SLCO6A1: variants seen among roughly 807,000 people sequenced by gnomAD.
The protein encoded by SLCO6A1 is solute carrier organic anion transporter family member 6A1.
SLCO6A1 carries 65 observed loss-of-function variants against 72.7 expected under a neutral mutation model. The ratio of observed to expected loss-of-function variants is 0.89; its 90% CI spans 0.73 to 1.10. The LOEUF (loss-of-function observed/expected upper bound fraction) is 1.10. Among genes scored for constraint, SLCO6A1 ranks in the 50% least tolerant of loss-of-function variants. The pLI is 0.00. For missense variants in SLCO6A1, 874 were observed against 872.6 expected (o/e 1.00, Z -0.02); for synonymous variants, 314 against 298.2 (o/e 1.05, Z -0.55).
intron 12 of SLCO6A1, among the ~76,000 whole-genome samples, chr5:102,387,080 T>C (rs1389672020): frequency 6.6e-6 from 1 of 152,172 alleles, no homozygotes; most frequent in Non-Finnish European, 1.5e-5. Context: ...GATGGTCAAA[T>C]AAATGTTTCT....
At position 102,461,170 on chromosome 5, in the gene SLCO6A1, A is replaced by G. The variant is rs868637170; in HGVS notation, c.900-1393T>C. The stretch of plus-strand genomic sequence containing the variant: ...TCAACTAAAAAAACTATCAATTGGG[A>G]AAAACAATATAATGGTTATATATAA... On this transcript the variant is annotated intron_variant, in intron 4 of 13. Transcript: ENST00000506729. 7.9e-5 allele frequency among the ~76,000 whole-genome samples: 12 copies of G among 151,996 alleles called. 2 individuals are homozygous for G. The highest frequency in any genetic ancestry group is 2.9e-4 in the African/African-American group (12 of 41,530).
At chr5:102,494,659 C>T (rs1192670329) in intron 1 of SLCO6A1, among the ~76,000 whole-genome samples, 1 of 152,132 alleles carries the variant, frequency 6.6e-6, no homozygotes, top group Non-Finnish European at 1.5e-5. Flanking sequence ...ATGTTTGAGA[C>T]AATTGGTCAT....
chr5:102,395,660 G>C (rs1223405311), intron 10 of SLCO6A1, among the ~76,000 whole-genome samples: 2 of 152,194 alleles, frequency 1.3e-5, no homozygotes, highest in South Asian at 2.1e-4. Context: ...CCCACCAACA[G>C]TGTAAAAGTG....
intron 12 of SLCO6A1, among the ~76,000 whole-genome samples, chr5:102,383,433 T>C (rs936026720): frequency 1.3e-5 from 2 of 151,782 alleles, no homozygotes; most frequent in African/African-American, 2.4e-5. Context: ...GTAAATACTT[T>C]TCCTTCACCT....
intron 6 of SLCO6A1, among the ~76,000 whole-genome samples, chr5:102,448,845 AG>A (rs908372049): frequency 2.6e-5 from 4 of 152,058 alleles, no homozygotes; most frequent in African/African-American, 9.7e-5. Context: ...GTGCCTTTTA[AG>A]TGGGAGCTAT....
At chr5:102,432,084 T>C (rs1394440786) in intron 7 of SLCO6A1, among the ~76,000 whole-genome samples, 1 of 152,164 alleles carries the variant, frequency 6.6e-6, no homozygotes, top group Non-Finnish European at 1.5e-5. Context: ...TCAGTTTCCA[T>C]TCGCTTGGTA....
intron 1 of SLCO6A1, among the ~76,000 whole-genome samples, chr5:102,498,273 ATCT>A (rs1222729531): frequency 6.6e-6 from 1 of 152,156 alleles, no homozygotes; most frequent in Non-Finnish European, 1.5e-5. Flanking sequence ...TCCTTGATAA[ATCT>A]TCTCTGTCTA....
chr5:102,421,837 C>A (rs1483903267), intron 7 of SLCO6A1, among the ~76,000 whole-genome samples: 1 of 152,314 alleles, frequency 6.6e-6, no homozygotes, highest in East Asian at 1.9e-4. Context: ...AAGACACCTC[C>A]CAGCAGGGGT....
intron 1 of SLCO6A1, among the ~76,000 whole-genome samples, chr5:102,484,381 G>T (rs1253017604): frequency 1.3e-5 from 2 of 152,152 alleles, no homozygotes; most frequent in Non-Finnish European, 2.9e-5. Context: ...TGGGTGCAGT[G>T]GCTCACACCT....
intron 9 of SLCO6A1, among the ~76,000 whole-genome samples, chr5:102,407,993 G>A (rs561788895): frequency 6.6e-6 from 1 of 151,926 alleles, no homozygotes. Context: ...TAATAAATGA[G>A]TGTTATTCAA....
At chr5:102,444,485 C>A (rs1362462084) in intron 6 of SLCO6A1, among the ~76,000 whole-genome samples, 1 of 152,136 alleles carries the variant, frequency 6.6e-6, no homozygotes, top group East Asian at 1.9e-4. Flanking sequence ...CTTATTTGAT[C>A]TGTTCTTGAT....
In SLCO6A1 at chr5:102,459,915, A is replaced by G. The variant is rs536313988; in HGVS notation, c.900-138T>C. On this transcript the variant is annotated intron_variant, in intron 4 of 13. Transcript: ENST00000506729. ...AGACAGAAATGGAACTTTTTTTGTT[A>G]ATTTGTTACTATTGTTTGTTTTGTT... The G allele has an allele frequency of 1.9e-5, 12 of 635,148 alleles. No homozygotes were observed. In the Middle Eastern group the frequency reaches 1.1e-3, roughly 60 times the overall value. The allele number at this position is 635,148 out of a possible 1,614,324, so 39.3% of individuals were successfully genotyped here.
chr5:102,419,698 T>C (rs1748480579), intron 8 of SLCO6A1, 128 bp downstream of exon 8: 1 of 743,240 alleles, frequency 1.3e-6, no homozygotes, highest in African/African-American at 1.9e-5. Context: ...TTATATTTCT[T>C]TTATGTGTTT....
chr5:102,385,581 A>G (rs1463189816), intron 12 of SLCO6A1, among the ~76,000 whole-genome samples: 1 of 151,348 alleles, frequency 6.6e-6, no homozygotes, highest in African/African-American at 2.4e-5. Flanking sequence ...TGTTTGATCT[A>G]CTCTGCAGTT....
chr5:102,374,038 C>CTTTTTT (rs11352231), intron 12 of SLCO6A1, among the ~76,000 whole-genome samples: 1 of 144,674 alleles, frequency 6.9e-6, no homozygotes, highest in Non-Finnish European at 1.5e-5. Flanking sequence ...TAAATTAATT[C>CTTTTTT]TTTTTTTTTT....
At chr5:102,390,945 A>T (rs574326968) in intron 11 of SLCO6A1, 36 bp downstream of exon 11, 15 of 1,573,782 alleles carry the variant, frequency 9.5e-6, no homozygotes, top group Middle Eastern at 1.7e-4. Flanking sequence ...ATCAAAAAAC[A>T]TTTTGATGTA....
chr5:102,406,347 G>A (rs908029966), intron 9 of SLCO6A1, among the ~76,000 whole-genome samples: 5 of 151,646 alleles, frequency 3.3e-5, no homozygotes, highest in African/African-American at 1.2e-4. Context: ...TACACTTCAA[G>A]AAAAAGAATA....
intron 1 of SLCO6A1, among the ~76,000 whole-genome samples, chr5:102,489,650 G>A (rs938922295): frequency 6.6e-6 from 1 of 152,004 alleles, no homozygotes; most frequent in African/African-American, 2.4e-5. Flanking sequence ...CTGTTGGTGG[G>A]AATTTATGTA....
At chr5:102,381,673 G>A (rs1257416318) in intron 12 of SLCO6A1, among the ~76,000 whole-genome samples, 3 of 149,516 alleles carry the variant, frequency 2.0e-5, no homozygotes, top group African/African-American at 2.5e-5. Context: ...GTACTAATTT[G>A]CATTCCCATC....
Sources: gnomAD v4.1 joint callset for allele counts (sites outside exome capture counted in the v4.1 genomes callset) on GRCh38, gnomAD v4.1.1 for gene constraint, MANE v1.5 for transcripts, NCBI Gene and HGNC (gene_info 2026-07-23, HGNC 2026-07-21) for gene names.